Variants in ZCWPW1 observed in about 807,000 individuals in gnomAD.
The protein encoded by ZCWPW1 is zinc finger CW-type and PWWP domain containing 1.
Under a neutral mutation model 81.3 loss-of-function variants are expected in ZCWPW1, and 56 were observed. That is an observed-to-expected ratio of 0.69 (90% CI 0.56 to 0.86). ZCWPW1 has a LOEUF of 0.86. Among genes scored for constraint, ZCWPW1 ranks in the 40% least tolerant of loss-of-function variants. The pLI, the probability that ZCWPW1 is intolerant of heterozygous loss-of-function variation, is 0.00. For synonymous variants in ZCWPW1, 250 were observed against 273.7 expected (o/e 0.91, Z 0.86); for missense variants, 650 against 769.8 (o/e 0.84, Z 1.84).
At chr7:100,416,252 T>C in intron 7 of ZCWPW1, 53 bp downstream of exon 7, 6 of 1,601,178 alleles carry the variant, frequency 3.7e-6, no homozygotes, top group Non-Finnish European at 5.1e-6. Context: ...ATTCCCTAAT[T>C]TCCTGGAGCT....
intron 12 of ZCWPW1, 65 bp from the exon 13 acceptor site, chr7:100,405,158 G>A (rs375609725): frequency 9.9e-6 from 15 of 1,509,988 alleles, no homozygotes; most frequent in African/African-American, 4.1e-5. Context: ...GACCAGGTGC[G>A]GTGGCTCACA....
chr7:100,408,107 C>A (rs1397930096), intron 10 of ZCWPW1, among the ~76,000 whole-genome samples: 1 of 152,146 alleles, frequency 6.6e-6, no homozygotes, highest in Non-Finnish European at 1.5e-5. Flanking sequence ...CGCGCCACCA[C>A]GTCTGGCTAA....
chr7:100,413,449 G>A (rs1477500761), intron 8 of ZCWPW1, among the ~76,000 whole-genome samples: 1 of 152,168 alleles, frequency 6.6e-6, no homozygotes, highest in Admixed American at 6.5e-5. Context: ...CTGAAATACT[G>A]TTTCCTTAGA....
Position 100,404,055 on chromosome 7 carries a change from C to G in ZCWPW1, c.1321+123G>C, listed in dbSNP as rs1252687314. 2.8e-6 allele frequency: 3 copies of G among 1,054,258 alleles called. No homozygotes were observed. The African/African-American group carries it at 4.9e-5, about 17-fold the overall frequency. The allele number at this position is 1,054,258 out of a possible 1,614,324, so 65.3% of individuals were successfully genotyped here. A position where few individuals can be genotyped will look rare whatever the true frequency, so the allele number is the denominator to read the frequency against. ...GGTCAATGACATTCACAAGAGCCTC[C>G]TATTAAAGAATCCAGAATTAGCCTG... On this transcript the variant is annotated intron_variant, in intron 14 of 17. Transcript: ENST00000684423.
Position 100,409,536 on chromosome 7 carries a change from G to C in ZCWPW1, c.763C>G (p.Leu255Val). The change falls in exon 9 of 18, where the codon CTG becomes GTG. Residue 255 changes from leucine to valine, a missense_variant. Transcript: ENST00000684423. ...KGEISGFGQC[L>V]VWVQCSFPNC... The stretch of plus-strand genomic sequence containing the variant: ...GGGAAGGAACACTGGACCCAGACCA[G>C]ACATTGACCTGTGAGAGGAAAAAAA... 1.2e-6 allele frequency: 2 copies of C among 1,612,682 alleles called. No individual in the cohort carries two copies. Among genetic ancestry groups the C allele is most frequent in the Non-Finnish European group, 1.7e-6 (2 of 1,179,008 alleles).
chr7:100,423,828 G>A (rs977083945), intron 2 of ZCWPW1, among the ~76,000 whole-genome samples: 1 of 152,128 alleles, frequency 6.6e-6, no homozygotes, highest in Non-Finnish European at 1.5e-5. Context: ...CAGCACTTTG[G>A]GAGGCTGAAG....
rs201574533 is a variant in ZCWPW1 at position 100,406,758 on chromosome 7, C to T, written c.1109G>A (p.Arg370His). The change falls in exon 12 of 18, where the codon CGT becomes CAT. Residue 370 changes from arginine to histidine, a missense_variant. By Grantham distance (29) the Arg-to-His change is conservative. Coordinates refer to ENST00000684423, the MANE Select transcript of ZCWPW1 (RefSeq NM_001386010.1). ...TAGCATGTTGACTGGGATCCATGCA[C>T]GAGAAACTGTTTCTCCAAAAAACGT... ...HVTFFGETVS[R>H]AWIPVNMLKN... The T allele has an allele frequency of 4.4e-4, 703 of 1,613,982 alleles. No homozygotes were observed. The highest frequency in any genetic ancestry group is 2.8e-4 in the Non-Finnish European group (336 of 1,180,016).
intron 10 of ZCWPW1, 131 bp from the exon 11 acceptor site, chr7:100,407,434 C>T: frequency 1.3e-6 from 1 of 783,838 alleles, no homozygotes; most frequent in African/African-American, 1.7e-5. Flanking sequence ...ACTCTGTCAC[C>T]CAGGCTGGAG....
intron 2 of ZCWPW1, among the ~76,000 whole-genome samples, chr7:100,421,088 T>G (rs1242585491): frequency 6.6e-6 from 1 of 152,224 alleles, no homozygotes; most frequent in South Asian, 2.1e-4. Context: ...AGGCGGAGGC[T>G]GCAGTGAGCC....
rs574936212 is a variant in ZCWPW1 at position 100,420,880 on chromosome 7, T to G, written c.-29-202A>C. ...TGGCAACAATCAGTGCTGGGTGTGG[T>G]GGCTCACACCTGTAATCCTGGCACT... On this transcript the variant is annotated intron_variant, in intron 2 of 17. Transcript: ENST00000684423. 3.3e-5 allele frequency among the ~76,000 whole-genome samples: 5 copies of G among 152,336 alleles called. No individual in the cohort carries two copies. In the East Asian group the frequency reaches 5.8e-4, roughly 18 times the overall value.
intron 1 of ZCWPW1, among the ~76,000 whole-genome samples, chr7:100,428,244 C>T (rs551557446): frequency 6.6e-6 from 1 of 152,322 alleles, no homozygotes; most frequent in East Asian, 1.9e-4. Flanking sequence ...CCCAGGTTTC[C>T]CGCCACCAAG....
rs1235975412 is a variant in ZCWPW1 at position 100,401,239 on chromosome 7, T to C, written c.1725A>G (p.Leu575=). The C allele has an allele frequency of 3.7e-6, 6 of 1,614,116 alleles. No individual in the cohort carries two copies. In the South Asian group the frequency reaches 6.6e-5, roughly 18 times the overall value. The change falls in exon 18 of 18, where the codon CTA becomes CTG. Residue 575 remains leucine, a synonymous_variant. Coordinates refer to ENST00000684423, the MANE Select transcript of ZCWPW1 (RefSeq NM_001386010.1). ...EVRTVPKNLG[L]SACKGACPSS... ...AGGGGCAGGCCCCCTTACACGCTGA[T>C]AGGCCCAGGTTCTTTGGCACTGTTC...
At chr7:100,404,897 G>T in intron 13 of ZCWPW1, 116 bp downstream of exon 13, 2 of 979,906 alleles carry the variant, frequency 2.0e-6, no homozygotes, top group Non-Finnish European at 2.9e-6. Context: ...GAAACCTGAA[G>T]TGAAATATAG....
At chr7:100,423,067 G>A (rs958521624) in intron 2 of ZCWPW1, among the ~76,000 whole-genome samples, 88 of 152,200 alleles carry the variant, frequency 5.8e-4, no homozygotes, top group African/African-American at 2.1e-3. Flanking sequence ...ATTATAAAAA[G>A]CATTATAGCT....
chr7:100,416,945 C>CA (rs377744181), intron 6 of ZCWPW1, 121 bp downstream of exon 6: 50,116 of 582,472 alleles, frequency 0.086, 3 homozygotes, highest in East Asian at 0.1. Context: ...GACTCCGTCT[C>CA]AAAAAAAAAA....
At chr7:100,409,581 A>G in intron 8 of ZCWPW1, 37 bp from the exon 9 acceptor site, 2 of 1,453,396 alleles carry the variant, frequency 1.4e-6, no homozygotes, top group Non-Finnish European at 1.9e-6. Context: ...AGACTTAAAA[A>G]TATGCTCTTC....
intron 8 of ZCWPW1, among the ~76,000 whole-genome samples, chr7:100,413,162 A>G (rs1236716421): frequency 6.6e-6 from 1 of 152,216 alleles, no homozygotes; most frequent in Non-Finnish European, 1.5e-5. Flanking sequence ...GGATCCTTTT[A>G]AAACATTAAT....
rs1424246582 is a variant in ZCWPW1 at position 100,400,899 on chromosome 7, GA to G, written c.*114del. On this transcript the variant is annotated 3_prime_UTR_variant, in exon 18 of 18. Coordinates refer to ENST00000684423, the MANE Select transcript of ZCWPW1 (RefSeq NM_001386010.1). ...GACTGTAACCTGCTTTATTAACACA[GA>G]AACTGCACCACACACATTTGAACCT... 2 of 1,204,970 alleles carry G rather than the reference GA, an allele frequency of 1.7e-6. No individual in the cohort carries two copies. Among genetic ancestry groups the G allele is most frequent in the Non-Finnish European group, 2.2e-6 (2 of 893,608 alleles). 74.6% of individuals were successfully genotyped at this position (1,204,970 alleles called of 1,614,324 possible). A position where few individuals can be genotyped will look rare whatever the true frequency, so the allele number is the denominator to read the frequency against.
At chr7:100,422,749 A>C (rs1269561834) in intron 2 of ZCWPW1, among the ~76,000 whole-genome samples, 1 of 152,152 alleles carries the variant, frequency 6.6e-6, no homozygotes, top group Non-Finnish European at 1.5e-5. Context: ...ACCCTCAAGT[A>C]GGCCCCAGTG....
Sources: allele counts gnomAD v4.1 joint callset (sites outside exome capture counted in the v4.1 genomes callset), GRCh38; gene constraint gnomAD v4.1.1; transcripts MANE v1.5; gene names NCBI Gene and HGNC (gene_info 2026-07-23, HGNC 2026-07-21).